GTF3C1: variants seen among roughly 807,000 people sequenced by gnomAD.
GTF3C1 encodes general transcription factor IIIC subunit 1, also known as general transcription factor 3C polypeptide 1.
Under a neutral mutation model 226.7 loss-of-function variants are expected in GTF3C1, and 57 were observed. The observed-to-expected ratio is 0.25, with a 90% CI of 0.20 to 0.31. The LOEUF (loss-of-function observed/expected upper bound fraction) is 0.31, where lower values mean the gene tolerates loss of function less well. Among genes scored for constraint, GTF3C1 ranks in the 10% least tolerant of loss-of-function variants. The pLI, the probability that GTF3C1 is intolerant of heterozygous loss-of-function variation, is 1.00. For synonymous variants in GTF3C1, 1,090 were observed against 1,084.8 expected (o/e 1.00, Z -0.09); for missense variants, 2,217 against 2,776.1 (o/e 0.80, Z 4.53).
chr16:27,462,975 G>C lies in GTF3C1; in HGVS notation c.5925-489C>G, dbSNP rs541028451. ...GCCCACGAGTGGGGCGGACCCAGAA[G>C]AGCTGGACACCAGGCTCTCATCGCT... On this transcript the variant is annotated intron_variant, in intron 35 of 36. Transcript: ENST00000356183. The surrounding 1 kb of genome is among the most constrained non-coding windows in gnomAD (Gnocchi z 4.5). 6.1e-4 allele frequency: 107 copies of C among 174,502 alleles called. No homozygotes were observed. Among genetic ancestry groups the C allele is most frequent in the Non-Finnish European group, 1.0e-3 (83 of 81,768 alleles). 10.8% of individuals were successfully genotyped at this position (174,502 alleles called of 1,614,324 possible). A position where few individuals can be genotyped will look rare whatever the true frequency, so the allele number is the denominator to read the frequency against.
chr16:27,493,063 CTT>C (rs2088257095), intron 17 of GTF3C1, 134 bp downstream of exon 17: 3 of 610,680 alleles, frequency 4.9e-6, no homozygotes, highest in Non-Finnish European at 5.9e-6. Flanking sequence ...ATATTAATAA[CTT>C]AATAAAAATC....
chr16:27,462,521 G>A lies in GTF3C1; in HGVS notation c.5925-35C>T. Reference sequence around the variant, plus strand: ...GAGGGCTTGACATCAGGGCTTGGTGGGGGCAGGAGGGCAGCTCGTCCAGAC... The same window carrying A: ...GAGGGCTTGACATCAGGGCTTGGTGAGGGCAGGAGGGCAGCTCGTCCAGAC... On this transcript the variant is annotated intron_variant, in intron 35 of 36. Transcript: ENST00000356183. The surrounding 1 kb of genome is among the most constrained non-coding windows in gnomAD (Gnocchi z 4.5). 1.7e-5 allele frequency: 26 copies of A among 1,537,796 alleles called. No homozygotes were observed. The highest frequency in any genetic ancestry group is 2.2e-5 in the Non-Finnish European group (25 of 1,113,362).
chr16:27,542,694 T>C (rs1249897462), intron 2 of GTF3C1, among the ~76,000 whole-genome samples: 3 of 151,660 alleles, frequency 2.0e-5, no homozygotes, highest in African/African-American at 7.3e-5. Context: ...AGAAAATGAG[T>C]CTCCTTCTCT....
chr16:27,545,295 G>T lies in GTF3C1; in HGVS notation c.431+19C>A. The T allele has an allele frequency of 2.5e-6, 4 of 1,575,308 alleles. No homozygotes were observed. Among genetic ancestry groups the T allele is most frequent in the Non-Finnish European group, 3.5e-6 (4 of 1,144,650 alleles). ...CCCGGCCAGATTCCCAGGAATTTCT[G>T]ATGGTGCAAAATAGTTACCTGTCAA... On this transcript the variant is annotated intron_variant, in intron 2 of 36. Transcript: ENST00000356183.
At chr16:27,488,927 G>A in intron 21 of GTF3C1, 116 bp downstream of exon 21, 1 of 957,114 alleles carries the variant, frequency 1.0e-6, no homozygotes. Context: ...TAAGGGGCCT[G>A]ACGCACCTTC....
In GTF3C1 at chr16:27,464,462, T is replaced by C. The variant is rs2087752463; in HGVS notation, c.5730A>G (p.Pro1910=). ...GAEDGAEAQA[P]SPPPALEDTA... is the part of the protein sequence containing the mutation. ...TGTCTTCAAGAGCTGGGGGTGGAGATGGGGCCTGGGCTTCTGCCCCATCTT... is the reference window on the plus strand; with the variant it reads ...TGTCTTCAAGAGCTGGGGGTGGAGACGGGGCCTGGGCTTCTGCCCCATCTT... Residue 1910 remains proline (P), a synonymous_variant, in exon 34 of 37, where the codon CCA becomes CCG. Transcript: ENST00000356183. The C allele has an allele frequency of 6.3e-7, 1 of 1,591,508 alleles. No homozygotes were observed. Among genetic ancestry groups the C allele is most frequent in the Non-Finnish European group, 8.5e-7 (1 of 1,169,788 alleles).
At position 27,462,636 on chromosome 16, in the gene GTF3C1, T is replaced by A; in HGVS notation, c.5925-150A>T. The A allele has an allele frequency of 1.6e-6, 1 of 626,708 alleles. No individual in the cohort carries two copies. The allele number at this position is 626,708 out of a possible 1,614,324, so 38.8% of individuals were successfully genotyped here. A position where few individuals can be genotyped will look rare whatever the true frequency, so the allele number is the denominator to read the frequency against. ...CTTGCTCTCTGCTTTCCAAACTCCC[T>A]GCTTCTCTCCTGTCTGGACAGAGGG... On this transcript the variant is annotated intron_variant, in intron 35 of 36. Transcript: ENST00000356183. The surrounding 1 kb of genome is among the most constrained non-coding windows in gnomAD (Gnocchi z 4.5).
In GTF3C1 at chr16:27,518,623, G is replaced by A. The variant is rs916625280; in HGVS notation, c.974-6722C>T. The stretch of plus-strand genomic sequence containing the variant: ...AGAGAGTGCTTGGGGCCTTTAATTC[G>A]ATTTGATTCCACAACCATTTCTTCT... On this transcript the variant is annotated intron_variant, in intron 6 of 36. Coordinates refer to ENST00000356183, the MANE Select transcript of GTF3C1 (RefSeq NM_001520.4). Among the ~76,000 whole-genome samples the A allele has an allele frequency of 4.6e-5, 7 of 152,242 alleles. No homozygotes were observed. In the East Asian group the frequency reaches 9.7e-4, roughly 21 times the overall value.
intron 2 of GTF3C1, among the ~76,000 whole-genome samples, chr16:27,542,118 A>C (rs1483998417): frequency 2.0e-5 from 3 of 152,244 alleles, no homozygotes; most frequent in African/African-American, 7.2e-5. Context: ...GTCAGGGTAC[A>C]TCCCATCACA....
At chr16:27,464,213 C>A in intron 34 of GTF3C1, 107 bp downstream of exon 34, 1 of 621,876 alleles carries the variant, frequency 1.6e-6, no homozygotes, top group Non-Finnish European at 2.5e-6. Context: ...CCTTTTGTGC[C>A]AGTGGCAGGT....
intron 21 of GTF3C1, 116 bp downstream of exon 21, chr16:27,488,927 G>T: frequency 1.0e-6 from 1 of 957,112 alleles, no homozygotes; most frequent in Non-Finnish European, 1.7e-6. Flanking sequence ...TAAGGGGCCT[G>T]ACGCACCTTC....
chr16:27,533,438 A>G (rs754402652), intron 4 of GTF3C1, 51 bp from the exon 5 acceptor site: 7 of 889,698 alleles, frequency 7.9e-6, no homozygotes, highest in African/African-American at 1.6e-5. Flanking sequence ...GCTGAAGTCA[A>G]TATTTACTGC....
At chr16:27,504,524 G>A (rs2088454655) in intron 10 of GTF3C1, among the ~76,000 whole-genome samples, 1 of 152,254 alleles carries the variant, frequency 6.6e-6, no homozygotes, top group Admixed American at 6.5e-5. Flanking sequence ...AAAGGGAGAA[G>A]CGGCGTAGGG....
rs1320103420 is a variant in GTF3C1 at position 27,471,656 on chromosome 16, C to G, written c.4526+92G>C. The G allele has an allele frequency of 3.8e-6, 4 of 1,047,106 alleles. No homozygotes were observed. The East Asian group carries it at 9.5e-5, about 25-fold the overall frequency. The allele number at this position is 1,047,106 out of a possible 1,614,324, so 64.9% of individuals were successfully genotyped here. A position where few individuals can be genotyped will look rare whatever the true frequency, so the allele number is the denominator to read the frequency against. On this transcript the variant is annotated intron_variant, in intron 30 of 36. Coordinates refer to ENST00000356183, the MANE Select transcript of GTF3C1 (RefSeq NM_001520.4). This position sits in a 1 kb window ranked among gnomAD's most constrained non-coding sequence, Gnocchi z 5.0. Reference sequence around the variant, plus strand: ...GCTGCGAAGGTCCCTGGCTCCTACACGCTTTCATGGCCACAGTGCTTCCTT... The same window carrying G: ...GCTGCGAAGGTCCCTGGCTCCTACAGGCTTTCATGGCCACAGTGCTTCCTT...
chr16:27,541,413 C>T (rs2089080147), intron 2 of GTF3C1, among the ~76,000 whole-genome samples: 1 of 152,182 alleles, frequency 6.6e-6, no homozygotes, highest in African/African-American at 2.4e-5. Flanking sequence ...GGGGTTACAA[C>T]TTCAAACATG....
chr16:27,476,279 GAAAT>G lies in GTF3C1; in HGVS notation c.4353+168_4353+171del, dbSNP rs538409201. Among the ~76,000 whole-genome samples, 11 of 152,236 alleles carry G rather than the reference GAAAT, an allele frequency of 7.2e-5. No individual in the cohort carries two copies. The South Asian group carries it at 1.9e-3, about 26-fold the overall frequency. ...CATAAACATACACAATAAACACAAA[GAAAT>G]AAAAATAAAACAACGATAAAAAAAT... On this transcript the variant is annotated intron_variant, in intron 29 of 36. Coordinates refer to ENST00000356183, the MANE Select transcript of GTF3C1 (RefSeq NM_001520.4).
At chr16:27,465,776 T>C (rs2087779216) in intron 32 of GTF3C1, 1 of 554,594 alleles carries the variant, frequency 1.8e-6, no homozygotes, top group Non-Finnish European at 3.2e-6. Context: ...TGGATTTCTC[T>C]TGGCCACTGT....
intron 1 of GTF3C1, among the ~76,000 whole-genome samples, chr16:27,546,039 C>T (rs1280175895): frequency 1.3e-5 from 2 of 151,972 alleles, no homozygotes; most frequent in Non-Finnish European, 2.9e-5. Flanking sequence ...GTAGAGATGA[C>T]GGTTCACCAT....
chr16:27,473,670 G>A (rs544217463), intron 29 of GTF3C1, among the ~76,000 whole-genome samples: 9 of 152,340 alleles, frequency 5.9e-5, no homozygotes, highest in East Asian at 1.9e-4. Flanking sequence ...ACCGGGGACC[G>A]GTGCGGTGGT....
Sources: gnomAD v4.1 joint callset for allele counts (sites outside exome capture counted in the v4.1 genomes callset) on GRCh38, gnomAD v4.1.1 for gene constraint, Gnocchi (gnomAD v3.1) non-coding constraint, MANE v1.5 for transcripts, NCBI Gene and HGNC (gene_info 2026-07-23, HGNC 2026-07-21) for gene names.